PDK4: variants seen among roughly 807,000 people sequenced by gnomAD.
PDK4 encodes pyruvate dehydrogenase kinase, isozyme 4.
A neutral mutation model predicts 51.7 loss-of-function variants in PDK4; 43 were observed. The observed-to-expected ratio is 0.83, with a 90% CI of 0.65 to 1.07. The LOEUF (loss-of-function observed/expected upper bound fraction) is 1.07, where lower values mean the gene tolerates loss of function less well. Among genes scored for constraint, PDK4 ranks in the 50% least tolerant of loss-of-function variants. PDK4 has a pLI of 0.00. For missense variants in PDK4, 498 were observed against 503.5 expected, an observed-to-expected ratio of 0.99 and a Z score of 0.10; for synonymous variants, 170 against 176.6, an observed-to-expected ratio of 0.96 and a Z score of 0.30.
intron 8 of PDK4, 69 bp from the exon 9 acceptor site, chr7:95,587,597 G>A: frequency 2.4e-6 from 3 of 1,237,158 alleles, no homozygotes; most frequent in Non-Finnish European, 3.6e-6. Flanking sequence ...AATAAAAATG[G>A]CTTTCCTTCA....
At chr7:95,587,232 A>T (rs1584120662) in intron 9 of PDK4, 109 bp from the exon 10 acceptor site, 1 of 734,480 alleles carries the variant, frequency 1.4e-6, no homozygotes, top group East Asian at 2.7e-5. Context: ...ACCTAAATAA[A>T]TATCTTCTAC....
intron 5 of PDK4, among the ~76,000 whole-genome samples, chr7:95,592,283 A>T (rs1791561390): frequency 6.6e-6 from 1 of 152,168 alleles, no homozygotes; most frequent in Non-Finnish European, 1.5e-5. Flanking sequence ...TAAATACAAC[A>T]TATAAAATAT....
Position 95,585,660 on chromosome 7 carries a change from G to A in PDK4, c.1217C>T (p.Ala406Val), listed in dbSNP as rs1237053073. The A allele has an allele frequency of 2.5e-6, 4 of 1,609,052 alleles. No individual in the cohort carries two copies. The highest frequency in any genetic ancestry group is 2.2e-5 in the East Asian group (1 of 44,706). The change falls in exon 11 of 11, where the codon GCA becomes GTA. Residue 406 changes from alanine (A) to valine (V), a missense_variant. Ala to Val is a moderately conservative substitution (Grantham distance 64). Coordinates refer to ENST00000005178, the MANE Select transcript of PDK4 (RefSeq NM_002612.4). ...CCCTCTTCACATGGCCACTTCTTTT[G>A]CCAGGTTCTTTGGTTCCCTGCTTGG... Reference protein sequence around the residue: ...CIPSREPKNLAKEVAM With the variant: ...CIPSREPKNLVKEVAM
intron 6 of PDK4, among the ~76,000 whole-genome samples, chr7:95,590,744 A>C (rs1791542739): frequency 6.6e-6 from 1 of 152,242 alleles, no homozygotes; most frequent in Non-Finnish European, 1.5e-5. Context: ...CTGTATAAAT[A>C]TTACTTGAGA....
At chr7:95,594,503 C>G (rs896978075) in intron 2 of PDK4, among the ~76,000 whole-genome samples, 1 of 151,500 alleles carries the variant, frequency 6.6e-6, no homozygotes, top group African/African-American at 2.4e-5. Flanking sequence ...ATACTTTAAT[C>G]TCTTTAATAA....
intron 10 of PDK4, chr7:95,586,699 T>C (rs1458495616): frequency 1.3e-5 from 3 of 222,900 alleles, no homozygotes; most frequent in Non-Finnish European, 2.6e-5. Context: ...GCTACTCTCA[T>C]AGATGCCAAA....
intron 2 of PDK4, among the ~76,000 whole-genome samples, chr7:95,594,540 T>C (rs1352773170): frequency 1.3e-5 from 2 of 152,036 alleles, no homozygotes; most frequent in Non-Finnish European, 2.9e-5. Flanking sequence ...CTCAATGGCA[T>C]AAAGAGTTTA....
rs748569308 is a variant in PDK4 at position 95,587,843 on chromosome 7, A to T, written c.772-18T>A. The T allele has an allele frequency of 1.3e-6, 2 of 1,520,456 alleles. No individual in the cohort carries two copies. Among genetic ancestry groups the T allele is most frequent in the Non-Finnish European group, 1.8e-6 (2 of 1,095,420 alleles). 94.2% of individuals were successfully genotyped at this position (1,520,456 alleles called of 1,614,324 possible). A position where few individuals can be genotyped will look rare whatever the true frequency, so the allele number is the denominator to read the frequency against. On this transcript the variant is annotated intron_variant, in intron 7 of 10. Coordinates refer to ENST00000005178, the MANE Select transcript of PDK4 (RefSeq NM_002612.4). ...ATTGCATTCTAAAACAAAGCAAACC[A>T]TAAGGAATTCAATGGCAGAGGAATG... is the stretch of plus-strand genomic sequence containing the variant.
At chr7:95,590,852 G>T (rs1791544057) in intron 6 of PDK4, among the ~76,000 whole-genome samples, 1 of 152,146 alleles carries the variant, frequency 6.6e-6, no homozygotes, top group Admixed American at 6.5e-5. Context: ...AATGGGAAGG[G>T]GTGAAAATAG....
chr7:95,587,109 G>A lies in PDK4; in HGVS notation c.996C>T (p.Tyr332=), dbSNP rs11541299. 0.072 allele frequency: 114,824 copies of A among 1,605,440 alleles called. 4,946 individuals are homozygous for A. The highest frequency in any genetic ancestry group is 0.16 in the South Asian group (14,329 of 90,738). ...CATACAGACGAGAAATTGGCAAGCC[G>A]TAACCAAAACCAGCCTAGAGAAGAG... is the stretch of plus-strand genomic sequence containing the variant. ...SRNAPLAGFG[Y]GLPISRLYAK... is the part of the protein sequence containing the mutation. Residue 332 remains tyrosine (Y), a synonymous_variant, in exon 10 of 11, where the codon TAC becomes TAT. Transcript: ENST00000005178.
At chr7:95,595,951 G>A (rs1457414298) in intron 1 of PDK4, among the ~76,000 whole-genome samples, 1 of 152,142 alleles carries the variant, frequency 6.6e-6, no homozygotes, top group Non-Finnish European at 1.5e-5. Context: ...AGCGTCGGCA[G>A]GCTTGCAGGT....
At position 95,596,225 on chromosome 7, in the gene PDK4, C is replaced by T. The variant is rs1157433158; in HGVS notation, c.69G>A (p.Glu23=). The change falls in exon 1 of 11, where the codon GAG becomes GAA. Residue 23 remains glutamate, a synonymous_variant. Coordinates refer to ENST00000005178, the MANE Select transcript of PDK4 (RefSeq NM_002612.4). ...GGCTGTAGCGCGAGAAATGCTCCAC[C>T]TCTCGGGGCACCAGGCCGGCGCCGT... ...SLNGAGLVPR[E]VEHFSRYSPS... is the part of the protein sequence containing the mutation. 6.2e-7 allele frequency: 1 copy of T among 1,605,190 alleles called. No homozygotes were observed. The highest frequency in any genetic ancestry group is 8.5e-7 in the Non-Finnish European group (1 of 1,175,906).
intron 6 of PDK4, among the ~76,000 whole-genome samples, chr7:95,589,936 TTG>T (rs1791531255): frequency 6.6e-6 from 1 of 152,120 alleles, no homozygotes; most frequent in East Asian, 1.9e-4. Flanking sequence ...CTTTTGTTAA[TTG>T]TTTTTTTTTT....
Sources: gnomAD v4.1 joint callset for allele counts (sites outside exome capture counted in the v4.1 genomes callset) on GRCh38, gnomAD v4.1.1 for gene constraint, MANE v1.5 for transcripts, NCBI Gene and HGNC (gene_info 2026-07-23, HGNC 2026-07-21) for gene names.